CD80: variants seen among roughly 807,000 people sequenced by gnomAD.
CD80 encodes the protein T-lymphocyte activation antigen CD80.
CD80 carries 13 observed loss-of-function variants against 27.1 expected under a neutral mutation model. The ratio of observed to expected loss-of-function variants is 0.48; its 90% CI spans 0.31 to 0.76. The LOEUF is 0.76. CD80 is among the 30% of genes least tolerant of loss of function. The pLI is 0.04. For synonymous variants in CD80, 125 were observed against 125.5 expected (o/e 1.00, Z 0.03); for missense variants, 277 against 347.9 (o/e 0.80, Z 1.62).
intron 2 of CD80, among the ~76,000 whole-genome samples, chr3:119,552,611 G>C (rs1204007254): frequency 6.6e-6 from 1 of 151,888 alleles, no homozygotes; most frequent in South Asian, 2.1e-4. Flanking sequence ...CAAGGCGGGT[G>C]GATTGCTTGA....
At chr3:119,547,098 A>G (rs6773021) in intron 2 of CD80, among the ~76,000 whole-genome samples, 4,448 of 152,248 alleles carry the variant, frequency 0.029, 128 homozygotes, top group African/African-American at 0.074. Flanking sequence ...GGCAACCATG[A>G]CTAAGTGCAC....
intron 4 of CD80, among the ~76,000 whole-genome samples, chr3:119,533,001 G>C (rs2082118293): frequency 6.6e-6 from 1 of 152,218 alleles, no homozygotes; most frequent in Non-Finnish European, 1.5e-5. Context: ...GATTACCAGA[G>C]TTGACCTCTA....
chr3:119,529,552 A>G (rs545137231), intron 5 of CD80, among the ~76,000 whole-genome samples: 17 of 152,344 alleles, frequency 1.1e-4, no homozygotes, highest in Middle Eastern at 3.4e-3. Context: ...AAATATATAA[A>G]GTCAGGGAAA....
chr3:119,529,715 A>G, intron 5 of CD80, 127 bp downstream of exon 5: 6 of 658,198 alleles, frequency 9.1e-6, no homozygotes, highest in East Asian at 2.7e-5. Flanking sequence ...GGAGATGCTC[A>G]TGTTTCCATA....
rs970686732 is a variant in CD80, at chr3:119,525,181, A to G, written c.*607T>C. The G allele has an allele frequency of 6.6e-6, 1 of 152,188 alleles. No homozygotes were observed. Among genetic ancestry groups the G allele is most frequent in the Non-Finnish European group, 1.5e-5 (1 of 68,028 alleles). 9.4% of individuals were successfully genotyped at this position (152,188 alleles called of 1,614,324 possible). A position where few individuals can be genotyped will look rare whatever the true frequency, so the allele number is the denominator to read the frequency against. On this transcript the variant is annotated 3_prime_UTR_variant, in exon 7 of 7. Transcript: ENST00000264246. The stretch of plus-strand genomic sequence containing the variant: ...GAGCAGCAATAGAGAACACAATGAA[A>G]AAAATGGAATACTGGGTAAACACCA...
intron 4 of CD80, among the ~76,000 whole-genome samples, chr3:119,530,384 C>G (rs2082103226): frequency 6.6e-6 from 1 of 152,198 alleles, no homozygotes; most frequent in Admixed American, 6.5e-5. Context: ...CACACACACC[C>G]TTACCTCACA....
intron 2 of CD80, among the ~76,000 whole-genome samples, chr3:119,545,387 T>C (rs1182066260): frequency 1.3e-5 from 2 of 152,148 alleles, no homozygotes; most frequent in African/African-American, 4.8e-5. Flanking sequence ...TATCATCTTA[T>C]TGATTTTTAA....
In CD80 at chr3:119,538,929, T is replaced by C. The variant is rs192338781; in HGVS notation, c.419-1511A>G. 1.1e-3 allele frequency among the ~76,000 whole-genome samples: 162 copies of C among 152,276 alleles called. 1 individual carries two copies. The highest frequency in any genetic ancestry group is 3.6e-3 in the African/African-American group (151 of 41,556). ...TATAGTCATGAGCTTTTGCTTCTAC[T>C]GAGTCTCACCAACACCCCATACCCC... On this transcript the variant is annotated intron_variant, in intron 3 of 6. Coordinates refer to ENST00000264246, the MANE Select transcript of CD80 (RefSeq NM_005191.4).
chr3:119,544,637 C>T lies in CD80; in HGVS notation c.331G>A (p.Glu111Lys), dbSNP rs376672655. Residue 111 changes from glutamate (E) to lysine (K), a missense_variant, in exon 3 of 7, where the codon GAG becomes AAG. Transcript: ENST00000264246. ...AGAACAACACACTCGTATGTGCCCT[C>T]GTCAGATGGGCGCAGAGCCAGGATC... ...IVILALRPSD[E>K]GTYECVVLKY... 40 of 1,613,990 alleles carry T rather than the reference C, an allele frequency of 2.5e-5. No homozygotes were observed. The highest frequency in any genetic ancestry group is 9.3e-5 in the African/African-American group (7 of 74,918).
chr3:119,542,979 A>G (rs1293675513), intron 3 of CD80, among the ~76,000 whole-genome samples: 1 of 152,196 alleles, frequency 6.6e-6, no homozygotes, highest in African/African-American at 2.4e-5. Context: ...AAACTGACTC[A>G]TCTGATCTTG....
chr3:119,549,487 C>T (rs1365261306), intron 2 of CD80, among the ~76,000 whole-genome samples: 1 of 152,186 alleles, frequency 6.6e-6, no homozygotes, highest in Non-Finnish European at 1.5e-5. Context: ...CGTACTGTGC[C>T]TTCTGGGCCC....
At position 119,525,135 on chromosome 3, in the gene CD80, G is replaced by A. The variant is rs960022964; in HGVS notation, c.*653C>T. The A allele has an allele frequency of 3.3e-5, 5 of 152,130 alleles. No homozygotes were observed. The highest frequency in any genetic ancestry group is 7.4e-5 in the Non-Finnish European group (5 of 68,024). 9.4% of individuals were successfully genotyped at this position (152,130 alleles called of 1,614,324 possible). A position where few individuals can be genotyped will look rare whatever the true frequency, so the allele number is the denominator to read the frequency against. ...GTTTTGGATAGTTCTCCTTTCTGCTGTACCTCATGGGGGAGTGAGAGAGCA... is the reference window on the plus strand; with the variant it reads ...GTTTTGGATAGTTCTCCTTTCTGCTATACCTCATGGGGGAGTGAGAGAGCA... On this transcript the variant is annotated 3_prime_UTR_variant, in exon 7 of 7. Coordinates refer to ENST00000264246, the MANE Select transcript of CD80 (RefSeq NM_005191.4).
chr3:119,554,602 G>T (rs1201456902), intron 2 of CD80, among the ~76,000 whole-genome samples: 3 of 152,180 alleles, frequency 2.0e-5, no homozygotes, highest in African/African-American at 7.2e-5. Context: ...CCCTTCCCCT[G>T]GGCATCAGTG....
Position 119,529,902 on chromosome 3 carries a change from A to G in CD80, c.736T>C (p.Ser246Pro). Residue 246 changes from serine to proline, a missense_variant, in exon 5 of 7, where the codon TCC becomes CCC. Ser to Pro is a moderately conservative substitution (Grantham distance 74, BLOSUM62 -1). Coordinates refer to ENST00000264246, the MANE Select transcript of CD80 (RefSeq NM_005191.4). The part of the protein sequence containing the change: ...QEHFPDNLLP[S>P]WAITLISVNG... The stretch of plus-strand genomic sequence containing the variant: ...ACTGAGATTAAGGTAATGGCCCAGG[A>G]TGGGAGCAGGTTATCAGGAAAATGC... 6.2e-7 allele frequency: 1 copy of G among 1,613,878 alleles called. No individual in the cohort carries two copies. Among genetic ancestry groups the G allele is most frequent in the Non-Finnish European group, 8.5e-7 (1 of 1,179,782 alleles).
chr3:119,527,964 C>T, intron 5 of CD80, 123 bp from the exon 6 acceptor site: 1 of 798,984 alleles, frequency 1.3e-6, no homozygotes, highest in Non-Finnish European at 2.1e-6. Context: ...GTTCTTATAC[C>T]AGGGGTGATT....
chr3:119,554,940 G>A (rs1268436691), intron 2 of CD80, among the ~76,000 whole-genome samples: 1 of 152,172 alleles, frequency 6.6e-6, no homozygotes, highest in Non-Finnish European at 1.5e-5. Context: ...AAGCCACTCT[G>A]TTCTTCAGTA....
Position 119,557,831 on chromosome 3 carries a change from A to G in CD80, c.-103T>C, listed in dbSNP as rs2082272586. 5 of 631,892 alleles carry G rather than the reference A, an allele frequency of 7.9e-6. No individual in the cohort carries two copies. The highest frequency in any genetic ancestry group is 2.9e-5 in the East Asian group (1 of 34,066). 39.1% of individuals were successfully genotyped at this position (631,892 alleles called of 1,614,324 possible). The stretch of plus-strand genomic sequence containing the variant: ...AACAGGCAGGGCTGATGACAATCCA[A>G]TTGCTCACGTAGAAGACCCTCCAGT... On this transcript the variant is annotated 5_prime_UTR_variant, in exon 2 of 7. Coordinates refer to ENST00000264246, the MANE Select transcript of CD80 (RefSeq NM_005191.4).
At chr3:119,530,809 T>G (rs1456740452) in intron 4 of CD80, among the ~76,000 whole-genome samples, 1 of 152,240 alleles carries the variant, frequency 6.6e-6, no homozygotes, top group African/African-American at 2.4e-5. Flanking sequence ...ATTTACTAAC[T>G]TATTGTTTTT....
rs558218673 is a variant in CD80 at position 119,532,802 on chromosome 3, C to T, written c.701-2865G>A. Among the ~76,000 whole-genome samples, 7 of 152,296 alleles carry T rather than the reference C, an allele frequency of 4.6e-5. No individual in the cohort carries two copies. In the South Asian group the frequency reaches 1.5e-3, roughly 32 times the overall value. ...CTGCCTTAGCTGAGATTTTTCTCAT[C>T]TCCCACCTAGTAGCCTGCAAACCGG... On this transcript the variant is annotated intron_variant, in intron 4 of 6. Coordinates refer to ENST00000264246, the MANE Select transcript of CD80 (RefSeq NM_005191.4).
Sources: gnomAD v4.1 joint callset for allele counts (sites outside exome capture counted in the v4.1 genomes callset) on GRCh38, gnomAD v4.1.1 for gene constraint, MANE v1.5 for transcripts, NCBI Gene and HGNC (gene_info 2026-07-23, HGNC 2026-07-21) for gene names.